The following AK9 variants were observed in gnomAD, a reference collection of about 807,000 sequenced individuals.
AK9 encodes the protein adenylate kinase domain containing 1.
AK9 carries 191 observed loss-of-function variants against 239.6 expected under a neutral mutation model. The observed-to-expected ratio is 0.80, with a 90% CI of 0.71 to 0.90. The LOEUF is 0.90. Ranked by LOEUF, AK9 falls within the 40% of genes least tolerant of loss-of-function variation. AK9 has a pLI of 0.00. For synonymous variants in AK9, 689 were observed against 721.0 expected, an observed-to-expected ratio of 0.96 and a Z score of 0.71; for missense variants, 1,995 against 2,214.7, an observed-to-expected ratio of 0.90 and a Z score of 1.99.
intron 13 of AK9, among the ~76,000 whole-genome samples, chr6:109,618,332 A>G (rs1337959001): frequency 3.9e-5 from 6 of 152,112 alleles, no homozygotes; most frequent in Admixed American, 6.6e-5. Context: ...ATTAGTTACA[A>G]GACTACCAAC....
chr6:109,635,504 C>T (rs1236775425), intron 10 of AK9, among the ~76,000 whole-genome samples: 1 of 152,186 alleles, frequency 6.6e-6, no homozygotes, highest in Admixed American at 6.5e-5. Context: ...ACTTCTCTCC[C>T]AGTGAGAAGA....
Position 109,494,042 on chromosome 6 carries a change from G to A in AK9, c.5472C>T (p.Pro1824=), listed in dbSNP as rs1776788213. The change falls in exon 40 of 41, where the codon CCC becomes CCT. Residue 1824 remains proline (P), a synonymous_variant. Coordinates refer to ENST00000424296, the MANE Select transcript of AK9 (RefSeq NM_001145128.3). ...TCCTTATACTTAAAAAGGGGAACTT[G>A]GGCTTTAAGCATCCCGCTGCATTCA... The part of the protein sequence containing the change: ...KAMNAAGCLK[P]KFPFLSIRRS... 6.2e-7 allele frequency: 1 copy of A among 1,613,394 alleles called. No homozygotes were observed. Among genetic ancestry groups the A allele is most frequent in the East Asian group, 2.2e-5 (1 of 44,854 alleles).
chr6:109,522,176 T>A (rs2128123457), intron 29 of AK9, among the ~76,000 whole-genome samples: 1 of 152,190 alleles, frequency 6.6e-6, no homozygotes, highest in East Asian at 1.9e-4. Flanking sequence ...TTTGTAGATA[T>A]CCTTTTAAAA....
intron 17 of AK9, among the ~76,000 whole-genome samples, chr6:109,599,631 T>G (rs1235964650): frequency 6.6e-6 from 1 of 152,182 alleles, no homozygotes; most frequent in South Asian, 2.1e-4. Flanking sequence ...GGTAGCTTGA[T>G]GGGGATGGCA....
chr6:109,597,959 CT>C (rs1428804937), intron 17 of AK9, among the ~76,000 whole-genome samples: 1 of 152,052 alleles, frequency 6.6e-6, no homozygotes, highest in Non-Finnish European at 1.5e-5. Context: ...CCCTTGCTTG[CT>C]TTTTGATCAC....
intron 5 of AK9, among the ~76,000 whole-genome samples, chr6:109,666,401 C>T (rs1307757842): frequency 6.6e-6 from 1 of 152,192 alleles, no homozygotes; most frequent in Admixed American, 6.5e-5. Context: ...TCCTCGCTCC[C>T]ACCCCACATG....
chr6:109,512,244 A>C (rs1295503739), intron 32 of AK9, among the ~76,000 whole-genome samples: 3 of 152,240 alleles, frequency 2.0e-5, no homozygotes, highest in Non-Finnish European at 4.4e-5. Flanking sequence ...CACCAGTGCC[A>C]TGACAGTTTA....
At chr6:109,666,302 C>T (rs975881694) in intron 5 of AK9, among the ~76,000 whole-genome samples, 2 of 152,222 alleles carry the variant, frequency 1.3e-5, no homozygotes, top group African/African-American at 4.8e-5. Context: ...CAGGGACACA[C>T]TGCTTGTTAA....
chr6:109,526,052 T>C (rs547849260), intron 29 of AK9, among the ~76,000 whole-genome samples: 9 of 152,252 alleles, frequency 5.9e-5, no homozygotes, highest in African/African-American at 1.9e-4. Context: ...AACCAACTAC[T>C]GCATGTTCTC....
intron 1 of AK9, among the ~76,000 whole-genome samples, chr6:109,678,932 C>G (rs566347741): frequency 6.6e-6 from 1 of 152,320 alleles, no homozygotes; most frequent in South Asian, 2.1e-4. Flanking sequence ...GGCCCAGATA[C>G]TATGCTTTTC....
intron 17 of AK9, among the ~76,000 whole-genome samples, chr6:109,605,943 G>A (rs981275901): frequency 6.6e-6 from 1 of 152,044 alleles, no homozygotes; most frequent in Non-Finnish European, 1.5e-5. Context: ...AGGCTCTGAG[G>A]CTGGGGACTG....
chr6:109,534,888 G>C (rs1403197111), intron 27 of AK9, among the ~76,000 whole-genome samples: 1 of 152,096 alleles, frequency 6.6e-6, no homozygotes, highest in African/African-American at 2.4e-5. Flanking sequence ...AGTTTGCTGA[G>C]AATGATGGTT....
chr6:109,589,795 T>C (rs147925050), intron 17 of AK9, among the ~76,000 whole-genome samples: 70 of 152,300 alleles, frequency 4.6e-4, no homozygotes, highest in African/African-American at 1.7e-3. Flanking sequence ...TTTTATTGAA[T>C]GCTCTTCCTT....
At chr6:109,668,397 T>C (rs1225128778) in intron 5 of AK9, among the ~76,000 whole-genome samples, 1 of 152,028 alleles carries the variant, frequency 6.6e-6, no homozygotes, top group Non-Finnish European at 1.5e-5. Context: ...AGCTCTTTAG[T>C]TTAATTAGAT....
Position 109,669,615 on chromosome 6 carries a change from C to A in AK9, c.331+2304G>T, listed in dbSNP as rs189888638. ...AGCATGAAGGGCTGTTGAATTTTGT[C>A]AAAGGCCTTTTCTGCATCTATTGAC... On this transcript the variant is annotated intron_variant, in intron 5 of 40. Transcript: ENST00000424296. 2.9e-3 allele frequency among the ~76,000 whole-genome samples: 447 copies of A among 152,202 alleles called. 1 individual carries two copies. Among genetic ancestry groups the A allele is most frequent in the African/African-American group, 0.01 (429 of 41,518 alleles).
At chr6:109,622,826 A>G (rs1229804317) in intron 12 of AK9, among the ~76,000 whole-genome samples, 1 of 151,934 alleles carries the variant, frequency 6.6e-6, no homozygotes, top group African/African-American at 2.4e-5. Context: ...AGAAAAATCC[A>G]TAAAACAGAA....
chr6:109,652,592 T>C (rs1054741306), intron 8 of AK9, among the ~76,000 whole-genome samples: 9 of 152,246 alleles, frequency 5.9e-5, no homozygotes, highest in African/African-American at 2.2e-4. Flanking sequence ...TTTCATATTC[T>C]TCTGCTGTTT....
intron 24 of AK9, among the ~76,000 whole-genome samples, chr6:109,560,613 C>T (rs952877064): frequency 2.6e-5 from 4 of 152,110 alleles, no homozygotes; most frequent in African/African-American, 7.2e-5. Flanking sequence ...AAGATAAGCC[C>T]CACTTGGTCA....
chr6:109,508,137 A>G (rs1169080231), intron 33 of AK9, among the ~76,000 whole-genome samples: 5 of 152,224 alleles, frequency 3.3e-5, no homozygotes, highest in African/African-American at 1.2e-4. Flanking sequence ...TTTCTTTTAT[A>G]ACAGCTGAGT....
Sources: allele counts gnomAD v4.1 joint callset (sites outside exome capture counted in the v4.1 genomes callset), GRCh38; gene constraint gnomAD v4.1.1; transcripts MANE v1.5; gene names NCBI Gene and HGNC (gene_info 2026-07-23, HGNC 2026-07-21).